Variants in ZFHX3 observed in about 807,000 individuals in gnomAD.
ZFHX3 encodes the protein zinc finger homeobox 3, also known as zinc finger homeobox protein 3.
In ZFHX3, 42 loss-of-function variants were observed where a neutral mutation model predicts 279.1. The observed-to-expected ratio is 0.15, with a 90% CI of 0.12 to 0.19. ZFHX3 has a LOEUF of 0.19. ZFHX3 is among the 10% of genes least tolerant of loss of function. The probability of loss-of-function intolerance (pLI) is 1.00; values close to 1 mark genes in which losing one functional copy is unlikely to be tolerated. For synonymous variants in ZFHX3, 2,293 were observed against 1,957.8 expected (o/e 1.17, Z -4.52); for missense variants, 4,981 against 4,754.0 (o/e 1.05, Z -1.40).
At chr16:73,417,589 G>A (rs867334541) in intron 3 of ZFHX3, among the ~76,000 whole-genome samples, 2 of 151,438 alleles carry the variant, frequency 1.3e-5, no homozygotes, top group African/African-American at 4.9e-5. Context: ...CATTGGGGAA[G>A]TTGGGTGAGG....
At chr16:73,091,548 T>C (rs56338549) in intron 8 of ZFHX3, among the ~76,000 whole-genome samples, 4,170 of 152,300 alleles carry the variant, frequency 0.027, 67 homozygotes, top group Middle Eastern at 0.1. Flanking sequence ...GTCCCTAGCA[T>C]CTCAGAGACT....
chr16:72,787,766 C>G lies in ZFHX3; in HGVS notation c.10510G>C (p.Val3504Leu). Residue 3504 changes from valine to leucine, a missense_variant, in exon 10 of 10, where the codon GTC (valine) becomes CTC (leucine). Coordinates refer to ENST00000268489, the MANE Select transcript of ZFHX3 (RefSeq NM_006885.4). Reference sequence around the variant, plus strand: ...CCACCGCCGCCGCCGCCGGTGGGGACGTGAAGCACCATCTCTTGCAGGTTC... The same window carrying G: ...CCACCGCCGCCGCCGCCGGTGGGGAGGTGAAGCACCATCTCTTGCAGGTTC... Reference protein sequence around the residue: ...VVNLQEMVLHVPTGGGGGGSG... With the variant: ...VVNLQEMVLHLPTGGGGGGSG... The G allele has an allele frequency of 6.9e-7, 1 of 1,455,786 alleles. No individual in the cohort carries two copies. The highest frequency in any genetic ancestry group is 9.1e-7 in the Non-Finnish European group (1 of 1,100,492). 90.2% of individuals were successfully genotyped at this position (1,455,786 alleles called of 1,614,324 possible).
chr16:73,502,470 G>A (rs1021257429), intron 2 of ZFHX3, among the ~76,000 whole-genome samples: 1 of 152,196 alleles, frequency 6.6e-6, no homozygotes, highest in Non-Finnish European at 1.5e-5. Flanking sequence ...TAGGTACTGG[G>A]ACAGTGGCCC....
intron 1 of ZFHX3, among the ~76,000 whole-genome samples, chr16:73,857,041 A>C (rs1597146084): frequency 6.6e-6 from 1 of 152,238 alleles, no homozygotes; most frequent in Admixed American, 6.5e-5. Context: ...AGCAGAAGAC[A>C]GACAACTCAG....
In ZFHX3 at chr16:73,442,386, T is replaced by A. The variant is rs2018110048; in HGVS notation, c.-1291+13617A>T. On this transcript the variant is annotated intron_variant, in intron 3 of 17. Coordinates refer to the ZFHX3 transcript ENST00000641206. The stretch of plus-strand genomic sequence containing the variant: ...CTTTTTTTTTTTTTCTGAGACAGGG[T>A]CTTGCTCTACTGCCCAGGCTGGAGT... Among the ~76,000 whole-genome samples, 3 of 151,522 alleles carry A rather than the reference T, an allele frequency of 2.0e-5. No individual in the cohort carries two copies. The South Asian group carries it at 6.2e-4, about 32-fold the overall frequency.
chr16:72,936,657 G>T (rs914990990), intron 3 of ZFHX3, among the ~76,000 whole-genome samples: 1 of 152,184 alleles, frequency 6.6e-6, no homozygotes, highest in African/African-American at 2.4e-5. Context: ...TGCAGTGTAG[G>T]GGGCAAAGGG....
chr16:73,099,728 AAG>A (rs59552597), intron 7 of ZFHX3, among the ~76,000 whole-genome samples: 6 of 147,216 alleles, frequency 4.1e-5, no homozygotes, highest in Non-Finnish European at 5.9e-5. Flanking sequence ...AAAAAAAAAA[AAG>A]AGAGAGAGAA....
chr16:73,717,445 G>A (rs538023128), intron 1 of ZFHX3, among the ~76,000 whole-genome samples: 3 of 152,148 alleles, frequency 2.0e-5, no homozygotes, highest in East Asian at 3.9e-4. Flanking sequence ...ACCACTGTCT[G>A]GTTACTAATC....
At chr16:73,028,235 G>A (rs774566394) in intron 1 of ZFHX3, among the ~76,000 whole-genome samples, 2 of 152,248 alleles carry the variant, frequency 1.3e-5, no homozygotes, top group African/African-American at 4.8e-5. Context: ...AAGCACCTCC[G>A]AGTCAGACCT....
At chr16:73,467,850 C>T (rs2018599848) in intron 2 of ZFHX3, among the ~76,000 whole-genome samples, 2 of 152,178 alleles carry the variant, frequency 1.3e-5, no homozygotes, top group African/African-American at 4.8e-5. Flanking sequence ...ACTTCCAGCT[C>T]CTCAGTGCTG....
At chr16:73,514,915 TCTCC>T (rs1294500658) in intron 2 of ZFHX3, among the ~76,000 whole-genome samples, 1 of 152,160 alleles carries the variant, frequency 6.6e-6, no homozygotes, top group Non-Finnish European at 1.5e-5. Context: ...TTTTCCTCTC[TCTCC>T]CCCACATATG....
At chr16:73,779,159 C>T (rs1167094230) in intron 1 of ZFHX3, among the ~76,000 whole-genome samples, 2 of 152,148 alleles carry the variant, frequency 1.3e-5, no homozygotes, top group African/African-American at 4.8e-5. Context: ...ATAGCATTCC[C>T]GAGCCTCCCA....
intron 1 of ZFHX3, among the ~76,000 whole-genome samples, chr16:73,056,322 G>A (rs961304416): frequency 1.3e-5 from 2 of 151,958 alleles, no homozygotes; most frequent in African/African-American, 4.8e-5. Context: ...TTGACACTGC[G>A]TCAATCTCTA....
chr16:73,603,368 A>G (rs1464311660), intron 2 of ZFHX3, among the ~76,000 whole-genome samples: 2 of 152,184 alleles, frequency 1.3e-5, no homozygotes, highest in African/African-American at 4.8e-5. Flanking sequence ...ACAGGAATTG[A>G]TAACTCTCAG....
At chr16:73,506,947 C>A in intron 2 of ZFHX3, among the ~76,000 whole-genome samples, 1 of 152,140 alleles carries the variant, frequency 6.6e-6, no homozygotes. Flanking sequence ...GTGTAATAGA[C>A]GGTATTACCT....
chr16:72,991,797 C>T (rs577192298), intron 1 of ZFHX3, among the ~76,000 whole-genome samples: 1 of 152,186 alleles, frequency 6.6e-6, no homozygotes, highest in Admixed American at 6.5e-5. Context: ...TTCACCCACG[C>T]AACACTGGCC....
In ZFHX3 at chr16:72,787,235, CCTCCACCGGG is replaced by C. The variant is rs2035426130; in HGVS notation, c.11031_11040del (p.Ser3677ArgfsTer14). On this transcript the variant is annotated frameshift_variant, in exon 10 of 10. Transcript: ENST00000268489. LOFTEE classifies it high-confidence loss of function. ...TTGGGGCAGCTGGGGTCTTTGGGAC[CCTCCACCGGG>C]CTCGCCGGTCCGTCGGACTTTTGGC... 1 of 1,613,906 alleles carries C rather than the reference CCTCCACCGGG, an allele frequency of 6.2e-7. No homozygotes were observed. Among genetic ancestry groups the C allele is most frequent in the African/African-American group, 1.3e-5 (1 of 74,860 alleles).
intron 5 of ZFHX3, among the ~76,000 whole-genome samples, chr16:72,826,299 AAC>A: frequency 6.6e-6 from 1 of 152,158 alleles, no homozygotes; most frequent in African/African-American, 2.4e-5. Context: ...CAAACCCCAA[AAC>A]TACAAAATCA....
At position 73,302,835 on chromosome 16, in the gene ZFHX3, G is replaced by A. The variant is rs549391506; in HGVS notation, c.-1194+15405C>T. Among the ~76,000 whole-genome samples, 4 of 152,314 alleles carry A rather than the reference G, an allele frequency of 2.6e-5. No homozygotes were observed. The South Asian group carries it at 8.3e-4, about 32-fold the overall frequency. ...CAGTGGCCACATCCCTCAGGACAGA[G>A]CTTGCAGGGAGGCTAGAACTGAGGG... is the stretch of plus-strand genomic sequence containing the variant. On this transcript the variant is annotated intron_variant, in intron 4 of 17. Coordinates refer to the ZFHX3 transcript ENST00000641206.
Sources: allele counts gnomAD v4.1 joint callset (sites outside exome capture counted in the v4.1 genomes callset), GRCh38; gene constraint gnomAD v4.1.1; transcripts MANE v1.5; gene names NCBI Gene and HGNC (gene_info 2026-07-23, HGNC 2026-07-21).